Variants in MEIS2 observed in about 807,000 individuals in gnomAD.
The protein encoded by MEIS2 is homeobox protein Meis2.
A neutral mutation model predicts 58.6 loss-of-function variants in MEIS2; 9 were observed. That is an observed-to-expected ratio of 0.15 (90% confidence interval 0.09 to 0.27). The LOEUF (loss-of-function observed/expected upper bound fraction) is 0.27, where lower values mean the gene tolerates loss of function less well. Ranked by LOEUF, MEIS2 falls within the 10% of genes least tolerant of loss-of-function variation. The pLI, the probability that MEIS2 is intolerant of heterozygous loss-of-function variation, is 1.00. For missense variants in MEIS2, 427 were observed against 635.0 expected (o/e 0.67, Z 3.52); for synonymous variants, 221 against 228.4 (o/e 0.97, Z 0.29).
At chr15:36,892,591 G>C in intron 11 of MEIS2, 132 bp from the exon 12 acceptor site, 1 of 808,206 alleles carries the variant, frequency 1.2e-6, no homozygotes, top group South Asian at 1.8e-5. Flanking sequence ...TTTAGCTGCA[G>C]ATTCTTGCCA....
rs751051088 is a variant in MEIS2 at position 36,892,479 on chromosome 15, A to C, written c.1148-20T>G. 5.6e-6 allele frequency: 9 copies of C among 1,605,804 alleles called. No individual in the cohort carries two copies. The highest frequency in any genetic ancestry group is 1.1e-5 in the South Asian group (1 of 89,404). ...GCAAACCTGAAAATAGAGAGGGAAAAAGAAAGCGGGTCAAATTCCTAAACA... is the reference window on the plus strand; with the variant it reads ...GCAAACCTGAAAATAGAGAGGGAAACAGAAAGCGGGTCAAATTCCTAAACA... On this transcript the variant is annotated intron_variant, in intron 11 of 11. Coordinates refer to ENST00000561208, the MANE Select transcript of MEIS2 (RefSeq NM_170675.5).
chr15:36,904,618 T>C (rs2056634983), intron 9 of MEIS2, among the ~76,000 whole-genome samples: 1 of 140,050 alleles, frequency 7.1e-6, no homozygotes, highest in South Asian at 2.3e-4. Context: ...ATCAAAGAGA[T>C]AAAAGGATTA....
intron 7 of MEIS2, among the ~76,000 whole-genome samples, chr15:37,071,018 A>G (rs1890633087): frequency 6.6e-6 from 1 of 152,072 alleles, no homozygotes; most frequent in Admixed American, 6.6e-5. Context: ...ATTCAAAAGG[A>G]AGGCAATTAT....
chr15:37,087,918 G>A (rs1231723619), intron 6 of MEIS2, among the ~76,000 whole-genome samples: 1 of 152,090 alleles, frequency 6.6e-6, no homozygotes, highest in Non-Finnish European at 1.5e-5. Flanking sequence ...AAAACTGAAT[G>A]GAGAAGTAAA....
At chr15:36,987,893 A>AAAATTC (rs1352512266) in intron 8 of MEIS2, among the ~76,000 whole-genome samples, 6 of 152,204 alleles carry the variant, frequency 3.9e-5, no homozygotes, top group African/African-American at 1.4e-4. Flanking sequence ...TGCATTGAAC[A>AAAATTC]TCAGATCTAT....
chr15:36,964,661 G>A (rs2059298720), intron 8 of MEIS2, among the ~76,000 whole-genome samples: 1 of 152,170 alleles, frequency 6.6e-6, no homozygotes, highest in African/African-American at 2.4e-5. Flanking sequence ...TGTCATAATA[G>A]TCTGGGCAGA....
rs1254608938 is a variant in MEIS2, at chr15:37,059,924, CT to C, written c.755-22966del. On this transcript the variant is annotated intron_variant, in intron 7 of 11. Coordinates refer to ENST00000561208, the MANE Select transcript of MEIS2 (RefSeq NM_170675.5). ...CCACTGCACTCCAGCGAGAGTCTGT[CT>C]CAAAAAAAAAAATTCTTTTTTTAGA... 5.6e-4 allele frequency among the ~76,000 whole-genome samples: 4 copies of C among 7,084 alleles called. No individual in the cohort carries two copies. In the East Asian group the frequency reaches 0.056, roughly 98 times the overall value. The allele number at this position is 7,084 out of a possible 152,430, so 4.6% of individuals were successfully genotyped here.
At chr15:36,977,753 A>G (rs1466065273) in intron 8 of MEIS2, among the ~76,000 whole-genome samples, 1 of 152,190 alleles carries the variant, frequency 6.6e-6, no homozygotes, top group Non-Finnish European at 1.5e-5. Flanking sequence ...CCTAAAGATA[A>G]AACTTAGAAA....
chr15:37,046,373 C>A (rs1358574337), intron 7 of MEIS2, among the ~76,000 whole-genome samples: 1 of 152,086 alleles, frequency 6.6e-6, no homozygotes. Context: ...AAAGGAAAAC[C>A]CAGCCAAGGC....
chr15:36,990,031 G>A (rs1233366635), intron 8 of MEIS2, among the ~76,000 whole-genome samples: 1 of 152,072 alleles, frequency 6.6e-6, no homozygotes, highest in South Asian at 2.1e-4. Context: ...TGCAAGCTCC[G>A]CCTCCCGGGT....
chr15:37,086,293 G>C (rs549907524), intron 6 of MEIS2, among the ~76,000 whole-genome samples: 1 of 152,320 alleles, frequency 6.6e-6, no homozygotes, highest in Admixed American at 6.5e-5. Flanking sequence ...GGATCACTCA[G>C]AAGGACTTCC....
chr15:37,048,661 C>T (rs58401119), intron 7 of MEIS2, among the ~76,000 whole-genome samples: 4,396 of 151,976 alleles, frequency 0.029, 223 homozygotes, highest in African/African-American at 0.099. Context: ...AGTGTAACTT[C>T]GAAACTTTGA....
intron 7 of MEIS2, among the ~76,000 whole-genome samples, chr15:37,069,724 G>T (rs990972910): frequency 6.6e-6 from 1 of 152,112 alleles, no homozygotes; most frequent in Non-Finnish European, 1.5e-5. Context: ...AACAATAAGA[G>T]AGTCAGCGAA....
At chr15:36,906,085 C>T (rs755855303) in intron 9 of MEIS2, among the ~76,000 whole-genome samples, 8 of 152,074 alleles carry the variant, frequency 5.3e-5, no homozygotes, top group Non-Finnish European at 1.0e-4. Context: ...CAGTCCAGAC[C>T]GGGGCCGATG....
chr15:36,995,069 C>G (rs1303507112), intron 8 of MEIS2, among the ~76,000 whole-genome samples: 2 of 152,178 alleles, frequency 1.3e-5, no homozygotes, highest in African/African-American at 4.8e-5. Flanking sequence ...TATATTTTGT[C>G]TGCATGAAGC....
chr15:36,995,084 C>G (rs541172951), intron 8 of MEIS2, among the ~76,000 whole-genome samples: 1 of 152,194 alleles, frequency 6.6e-6, no homozygotes, highest in African/African-American at 2.4e-5. Flanking sequence ...TGAAGCAGAT[C>G]GAGTTATTAC....
rs2055828036 is a variant in MEIS2 at position 36,891,108 on chromosome 15, C to T, written c.*1065G>A. On this transcript the variant is annotated 3_prime_UTR_variant, in exon 12 of 12. Transcript: ENST00000561208. ...TTAACATAACGTCACAGTCCTCATA[C>T]AAGTATTTTAATGTAAATTTGACAA... is the stretch of plus-strand genomic sequence containing the variant. 6.6e-6 allele frequency: 1 copy of T among 151,742 alleles called. No homozygotes were observed. Among genetic ancestry groups the T allele is most frequent in the Admixed American group, 6.6e-5 (1 of 15,168 alleles). 9.4% of individuals were successfully genotyped at this position (151,742 alleles called of 1,614,324 possible).
intron 7 of MEIS2, among the ~76,000 whole-genome samples, chr15:37,071,826 C>T (rs1890748262): frequency 6.6e-6 from 1 of 152,012 alleles, no homozygotes. Flanking sequence ...CTCTATGCCC[C>T]AAAAAGAATC....
intron 9 of MEIS2, among the ~76,000 whole-genome samples, chr15:36,946,342 C>T (rs1004941377): frequency 4.0e-5 from 6 of 151,416 alleles, no homozygotes; most frequent in African/African-American, 7.3e-5. Flanking sequence ...TCTTTCAAAA[C>T]GCCTAACCTT....
Sources: allele counts gnomAD v4.1 joint callset (sites outside exome capture counted in the v4.1 genomes callset), GRCh38; gene constraint gnomAD v4.1.1; transcripts MANE v1.5; gene names NCBI Gene and HGNC (gene_info 2026-07-23, HGNC 2026-07-21).